The following ADAMTSL1 variants were observed in gnomAD, a reference collection of about 807,000 sequenced individuals.
ADAMTSL1 encodes ADAMTS like 1.
ADAMTSL1 carries 126 observed loss-of-function variants against 201.8 expected under a neutral mutation model. The observed-to-expected ratio is 0.62, with a 90% CI of 0.54 to 0.72. The LOEUF is 0.72. Among genes scored for constraint, ADAMTSL1 ranks in the 30% least tolerant of loss-of-function variants. The pLI is 0.00. For missense variants in ADAMTSL1, 2,679 were observed against 2,277.8 expected (o/e 1.18, Z -3.59); for synonymous variants, 1,121 against 903.4 (o/e 1.24, Z -4.32).
intron 2 of ADAMTSL1, among the ~76,000 whole-genome samples, chr9:18,413,862 A>G (rs1195126134): frequency 6.6e-6 from 1 of 152,252 alleles, no homozygotes; most frequent in Non-Finnish European, 1.5e-5. Context: ...CTTTAAAATA[A>G]AAGATTGGCC....
chr9:18,332,328 AG>A (rs1835063206), intron 2 of ADAMTSL1, among the ~76,000 whole-genome samples: 1 of 152,218 alleles, frequency 6.6e-6, no homozygotes, highest in Admixed American at 6.5e-5. Context: ...GTTAATTATA[AG>A]TAAAAATGAG....
chr9:18,742,120 T>A (rs1451295071), intron 15 of ADAMTSL1, among the ~76,000 whole-genome samples: 1 of 152,198 alleles, frequency 6.6e-6, no homozygotes, highest in Non-Finnish European at 1.5e-5. Context: ...TGGATTAGGA[T>A]CCACCCTAGT....
chr9:18,356,008 G>A (rs1042118574), intron 2 of ADAMTSL1, among the ~76,000 whole-genome samples: 17 of 152,242 alleles, frequency 1.1e-4, no homozygotes, highest in African/African-American at 3.9e-4. Flanking sequence ...CACCTGGGCT[G>A]TGTCTGACTT....
chr9:18,590,777 C>G (rs1207131154), intron 4 of ADAMTSL1, among the ~76,000 whole-genome samples: 1 of 152,018 alleles, frequency 6.6e-6, no homozygotes, highest in Non-Finnish European at 1.5e-5. Context: ...ACTCAGTAAG[C>G]ATTCAGGAGC....
intron 1 of ADAMTSL1, among the ~76,000 whole-genome samples, chr9:18,039,312 A>G (rs1425504189): frequency 1.3e-5 from 2 of 152,192 alleles, no homozygotes; most frequent in African/African-American, 4.8e-5. Context: ...ATCTTTTGGA[A>G]TATCACATTG....
chr9:18,842,076 C>G (rs1037499751), intron 23 of ADAMTSL1, among the ~76,000 whole-genome samples: 7 of 151,630 alleles, frequency 4.6e-5, no homozygotes, highest in Admixed American at 1.3e-4. Flanking sequence ...TTGCCTTCTG[C>G]TAGCTTTTGA....
At position 17,920,321 on chromosome 9, in the gene ADAMTSL1, G is replaced by A. The variant is rs535578507; in HGVS notation, c.87+13399G>A. Among the ~76,000 whole-genome samples, 10 of 152,006 alleles carry A rather than the reference G, an allele frequency of 6.6e-5. No homozygotes were observed. In the South Asian group the frequency reaches 8.3e-4, roughly 13 times the overall value. On this transcript the variant is annotated intron_variant, in intron 1 of 29. Transcript: ENST00000680146. The stretch of plus-strand genomic sequence containing the variant: ...GTCTTTAGGTCTGATTGCTTTTTGC[G>A]TACCCACCCTCATAGCTGTCATACT...
chr9:18,844,984 C>A (rs566006227), intron 23 of ADAMTSL1, among the ~76,000 whole-genome samples: 253 of 152,330 alleles, frequency 1.7e-3, no homozygotes, highest in African/African-American at 5.7e-3. Flanking sequence ...TGACCCCTTG[C>A]GCTTCCCGAG....
intron 2 of ADAMTSL1, among the ~76,000 whole-genome samples, chr9:18,236,349 C>T (rs1469366165): frequency 2.6e-5 from 4 of 152,226 alleles, no homozygotes; most frequent in Non-Finnish European, 5.9e-5. Context: ...GCTGGGATTA[C>T]AGGCGTGAGC....
chr9:18,099,917 C>T (rs1291256932), intron 1 of ADAMTSL1, among the ~76,000 whole-genome samples: 4 of 152,068 alleles, frequency 2.6e-5, no homozygotes, highest in Non-Finnish European at 4.4e-5. Flanking sequence ...TGAGCCGCTG[C>T]GCCCGGCCCT....
intron 15 of ADAMTSL1, among the ~76,000 whole-genome samples, chr9:18,747,605 A>T (rs1819223077): frequency 6.6e-6 from 1 of 152,210 alleles, no homozygotes; most frequent in African/African-American, 2.4e-5. Flanking sequence ...TACCTATCTC[A>T]GGAAGCTGTG....
rs112933983 is a variant in ADAMTSL1 at position 18,595,116 on chromosome 9, A to T, written c.474+20850A>T. ...CCATCTGTCCCAGATGGATCTGGGG[A>T]AGATCCAAGGAGAGTAATAGGGCTA... is the stretch of plus-strand genomic sequence containing the variant. On this transcript the variant is annotated intron_variant, in intron 4 of 28. Coordinates refer to ENST00000380548, the MANE Select transcript of ADAMTSL1 (RefSeq NM_001040272.6). Among the ~76,000 whole-genome samples the T allele has an allele frequency of 1.4e-3, 215 of 152,248 alleles. 2 individuals are homozygous for T. Among genetic ancestry groups the T allele is most frequent in the Non-Finnish European group, 2.6e-3 (180 of 68,022 alleles).
intron 23 of ADAMTSL1, among the ~76,000 whole-genome samples, chr9:18,845,679 T>G (rs1826059532): frequency 6.6e-6 from 1 of 152,252 alleles, no homozygotes; most frequent in Non-Finnish European, 1.5e-5. Flanking sequence ...CCAGCTGGCA[T>G]GAGATGCAGT....
Position 18,180,109 on chromosome 9 carries a change from C to G in ADAMTSL1, c.207+16128C>G, listed in dbSNP as rs370350749. On this transcript the variant is annotated intron_variant, in intron 2 of 29. Coordinates refer to the ADAMTSL1 transcript ENST00000680146. ...TTGGATAAAGAGTCAAGACCCATCA[C>G]TGTGCTGTATTCAGGAAACCCATCT... 2.8e-3 allele frequency among the ~76,000 whole-genome samples: 420 copies of G among 152,166 alleles called. 3 individuals are homozygous for G. The highest frequency in any genetic ancestry group is 8.1e-3 in the African/African-American group (338 of 41,510).
At chr9:18,313,003 T>G (rs554356557) in intron 2 of ADAMTSL1, among the ~76,000 whole-genome samples, 1 of 152,322 alleles carries the variant, frequency 6.6e-6, no homozygotes, top group Non-Finnish European at 1.5e-5. Context: ...TAATAAAGGT[T>G]CTTCTTTTAT....
intron 3 of ADAMTSL1, among the ~76,000 whole-genome samples, chr9:18,560,013 C>G (rs983332233): frequency 6.6e-6 from 1 of 152,044 alleles, no homozygotes; most frequent in Non-Finnish European, 1.5e-5. Flanking sequence ...TTTCTCTTGC[C>G]TGATTGCCCG....
At position 18,825,585 on chromosome 9, in the gene ADAMTSL1, A is replaced by G. The variant is rs993732948; in HGVS notation, c.3935-699A>G. On this transcript the variant is annotated intron_variant, in intron 21 of 28. Transcript: ENST00000380548. ...AACGTTGTATAGCTTTGCACTTTTT[A>G]TTAAAATATATCTATACAGAAAAGT... Among the ~76,000 whole-genome samples, 9 of 152,204 alleles carry G rather than the reference A, an allele frequency of 5.9e-5. No individual in the cohort carries two copies. The East Asian group carries it at 1.4e-3, about 23-fold the overall frequency.
intron 3 of ADAMTSL1, among the ~76,000 whole-genome samples, chr9:18,534,620 T>C (rs1166259304): frequency 2.0e-5 from 3 of 152,242 alleles, no homozygotes; most frequent in African/African-American, 4.8e-5. Flanking sequence ...CTCTTCCGCA[T>C]TGCCCAGAAG....
At chr9:18,552,611 A>G (rs1820855386) in intron 3 of ADAMTSL1, among the ~76,000 whole-genome samples, 1 of 151,688 alleles carries the variant, frequency 6.6e-6, no homozygotes, top group African/African-American at 2.4e-5. Context: ...TTTTTTTAAA[A>G]TACTTGAGAG....
Sources: allele counts gnomAD v4.1 joint callset (sites outside exome capture counted in the v4.1 genomes callset), GRCh38; gene constraint gnomAD v4.1.1; transcripts MANE v1.5; gene names NCBI Gene and HGNC (gene_info 2026-07-23, HGNC 2026-07-21).